CDS1: variants seen among roughly 807,000 people sequenced by gnomAD.
CDS1 encodes the protein phosphatidate cytidylyltransferase 1.
In CDS1, 41 loss-of-function variants were observed where a neutral mutation model predicts 62.1. The ratio of observed to expected loss-of-function variants is 0.66; its 90% confidence interval spans 0.51 to 0.86. The LOEUF is 0.86. Ranked by LOEUF, CDS1 falls within the 40% of genes least tolerant of loss-of-function variation. The probability of loss-of-function intolerance (pLI) is 0.00; values close to 1 mark genes in which losing one functional copy is unlikely to be tolerated. For missense variants in CDS1, 470 were observed against 550.1 expected (o/e 0.85, Z 1.46); for synonymous variants, 185 against 192.6 (o/e 0.96, Z 0.32).
At chr4:84,628,390 A>ACC (rs1309986620) in intron 5 of CDS1, among the ~76,000 whole-genome samples, 1 of 152,178 alleles carries the variant, frequency 6.6e-6, no homozygotes, top group Admixed American at 6.5e-5. Context: ...TGTTTCTGGC[A>ACC]TATCGAAGGT....
At chr4:84,639,182 C>T (rs891348788) in intron 9 of CDS1, among the ~76,000 whole-genome samples, 190 bp downstream of exon 9, 10 of 152,166 alleles carry the variant, frequency 6.6e-5, no homozygotes, top group African/African-American at 2.4e-4. Context: ...ACCTGAGAAG[C>T]TTAAACAAAA....
chr4:84,639,084 C>A, intron 9 of CDS1, 92 bp downstream of exon 9: 1 of 488,256 alleles, frequency 2.0e-6, no homozygotes, highest in Non-Finnish European at 3.5e-6. Context: ...AATTAAACCA[C>A]AAAATGCTAA....
intron 5 of CDS1, among the ~76,000 whole-genome samples, chr4:84,628,164 C>T (rs1723913459): frequency 6.6e-6 from 1 of 151,986 alleles, no homozygotes; most frequent in African/African-American, 2.4e-5. Flanking sequence ...TATAACCAAG[C>T]GGAAGAATGG....
intron 7 of CDS1, 143 bp downstream of exon 7, chr4:84,634,082 G>C (rs1345456926): frequency 2.3e-6 from 1 of 431,450 alleles, no homozygotes; most frequent in Non-Finnish European, 4.0e-6. Flanking sequence ...ACTGAGTTTT[G>C]CTTACTCTTT....
rs1282412582 is a variant in CDS1 at position 84,599,395 on chromosome 4, CACACACACACATATATATATATAT to C, written c.118-4846_118-4823del. Among the ~76,000 whole-genome samples the C allele has an allele frequency of 1.1e-3, 134 of 121,662 alleles. 1 individual carries two copies. The highest frequency in any genetic ancestry group is 4.4e-3 in the African/African-American group (132 of 29,876). 79.8% of individuals were successfully genotyped at this position (121,662 alleles called of 152,430 possible). On this transcript the variant is annotated intron_variant, in intron 1 of 12. Coordinates refer to ENST00000295887, the MANE Select transcript of CDS1 (RefSeq NM_001263.4). The stretch of plus-strand genomic sequence containing the variant: ...GCAAATATAATTTGGCAAATTTTGA[CACACACACACATATATATATATAT>C]ATATATATATATATATATATATATA...
chr4:84,598,336 G>A (rs1414077109), intron 1 of CDS1, among the ~76,000 whole-genome samples: 1 of 151,674 alleles, frequency 6.6e-6, no homozygotes, highest in Admixed American at 6.6e-5. Context: ...GAGCTACAGG[G>A]ATCAGTGTCC....
At chr4:84,645,787 T>C (rs533027097) in intron 12 of CDS1, among the ~76,000 whole-genome samples, 34 of 152,240 alleles carry the variant, frequency 2.2e-4, no homozygotes, top group African/African-American at 8.2e-4. Flanking sequence ...TGTTTGGAAG[T>C]TGAAGAAAGA....
chr4:84,621,582 A>T (rs1034116760), intron 5 of CDS1, among the ~76,000 whole-genome samples: 1 of 152,144 alleles, frequency 6.6e-6, no homozygotes, highest in Admixed American at 6.5e-5. Context: ...GTTACTTTTT[A>T]AAATTTTAAA....
intron 1 of CDS1, among the ~76,000 whole-genome samples, 199 bp from the exon 2 acceptor site, chr4:84,604,044 G>C (rs554277821): frequency 6.6e-6 from 1 of 152,268 alleles, no homozygotes; most frequent in Admixed American, 6.5e-5. Flanking sequence ...TGTATTATTA[G>C]TAGTAGATTT....
chr4:84,589,942 C>G (rs535717884), intron 1 of CDS1, among the ~76,000 whole-genome samples: 1 of 152,326 alleles, frequency 6.6e-6, no homozygotes, highest in African/African-American at 2.4e-5. Context: ...TCCGACGTAG[C>G]TGGGACTACA....
intron 7 of CDS1, 143 bp downstream of exon 7, chr4:84,634,082 G>T: frequency 2.3e-6 from 1 of 431,448 alleles, no homozygotes; most frequent in Non-Finnish European, 4.0e-6. Context: ...ACTGAGTTTT[G>T]CTTACTCTTT....
chr4:84,608,996 G>A (rs1387438936), intron 2 of CDS1, among the ~76,000 whole-genome samples: 1 of 151,880 alleles, frequency 6.6e-6, no homozygotes, highest in Non-Finnish European at 1.5e-5. Flanking sequence ...GGCTAACACA[G>A]TGAAACCCCG....
At chr4:84,595,643 G>C (rs999859210) in intron 1 of CDS1, among the ~76,000 whole-genome samples, 1 of 152,186 alleles carries the variant, frequency 6.6e-6, no homozygotes, top group Non-Finnish European at 1.5e-5. Flanking sequence ...ATGAAGGCAA[G>C]GCAGAAAAGC....
chr4:84,634,514 TA>T (rs920842445), intron 7 of CDS1, among the ~76,000 whole-genome samples: 7 of 151,308 alleles, frequency 4.6e-5, no homozygotes, highest in Non-Finnish European at 7.4e-5. Context: ...AGCTTAAGAT[TA>T]AAAAAAAATC....
Position 84,648,687 on chromosome 4 carries a change from C to T in CDS1, c.*1C>T. 2 of 1,610,880 alleles carry T rather than the reference C, an allele frequency of 1.2e-6. No individual in the cohort carries two copies. The highest frequency in any genetic ancestry group is 1.7e-6 in the Non-Finnish European group (2 of 1,178,552). ...CCTACAACCCACCTTGAAGGTATAA[C>T]TGGATCCAGAGAGGGAAGGACTGAC... On this transcript the variant is annotated 3_prime_UTR_variant, in exon 13 of 13. Coordinates refer to ENST00000295887, the MANE Select transcript of CDS1 (RefSeq NM_001263.4).
intron 1 of CDS1, among the ~76,000 whole-genome samples, chr4:84,597,730 GAA>G (rs1722795620): frequency 6.6e-6 from 1 of 152,178 alleles, no homozygotes; most frequent in Non-Finnish European, 1.5e-5. Context: ...GACTCACTAG[GAA>G]TTAAATCAGT....
At chr4:84,586,647 T>C (rs2110030287) in intron 1 of CDS1, among the ~76,000 whole-genome samples, 1 of 152,212 alleles carries the variant, frequency 6.6e-6, no homozygotes, top group East Asian at 1.9e-4. Flanking sequence ...GCCCAGTTCC[T>C]AACAGGCCGG....
chr4:84,599,674 T>C (rs546665626), intron 1 of CDS1, among the ~76,000 whole-genome samples: 4 of 152,142 alleles, frequency 2.6e-5, no homozygotes, highest in Non-Finnish European at 5.9e-5. Context: ...GTCTGGCTTC[T>C]TTTACTCAGC....
intron 12 of CDS1, among the ~76,000 whole-genome samples, chr4:84,647,967 G>GT (rs1041508975): frequency 5.3e-5 from 8 of 151,988 alleles, no homozygotes; most frequent in African/African-American, 1.9e-4. Flanking sequence ...CTTTTATTTT[G>GT]TTTTTTATAT....
Sources: allele counts gnomAD v4.1 joint callset (sites outside exome capture counted in the v4.1 genomes callset), GRCh38; gene constraint gnomAD v4.1.1; transcripts MANE v1.5; gene names NCBI Gene and HGNC (gene_info 2026-07-23, HGNC 2026-07-21).